GPR137C: variants seen among roughly 807,000 people sequenced by gnomAD.
GPR137C encodes the protein G protein-coupled receptor 137C, also known as integral membrane protein GPR137C.
GPR137C carries 27 observed loss-of-function variants against 43.4 expected under a neutral mutation model. The observed-to-expected ratio is 0.62, with a 90% CI of 0.46 to 0.86. The LOEUF (loss-of-function observed/expected upper bound fraction) is 0.86. GPR137C is among the 40% of genes least tolerant of loss of function. GPR137C has a pLI of 0.00. For synonymous variants in GPR137C, 285 were observed against 226.9 expected (o/e 1.26, Z -2.30); for missense variants, 522 against 534.6 (o/e 0.98, Z 0.23).
At chr14:52,554,968 C>T (rs2038170388) in intron 1 of GPR137C, among the ~76,000 whole-genome samples, 1 of 151,974 alleles carries the variant, frequency 6.6e-6, no homozygotes, top group African/African-American at 2.4e-5. Context: ...CATAGGTTAT[C>T]ACAAATCAAA....
At chr14:52,607,103 C>G (rs984197280) in intron 3 of GPR137C, among the ~76,000 whole-genome samples, 1 of 152,128 alleles carries the variant, frequency 6.6e-6, no homozygotes, top group African/African-American at 2.4e-5. Context: ...TTCAGAAGTT[C>G]CTCCTGTTAC....
At chr14:52,601,162 G>C (rs1052463719) in intron 3 of GPR137C, among the ~76,000 whole-genome samples, 2 of 152,058 alleles carry the variant, frequency 1.3e-5, no homozygotes, top group Non-Finnish European at 2.9e-5. Context: ...TGGGTGTGAG[G>C]GGGTAGATAT....
chr14:52,577,613 G>A (rs1197707071), intron 1 of GPR137C, among the ~76,000 whole-genome samples: 1 of 151,422 alleles, frequency 6.6e-6, no homozygotes, highest in Non-Finnish European at 1.5e-5. Context: ...GAAGAGAGAG[G>A]ATTCAAATAA....
chr14:52,579,622 G>T (rs1460797161), intron 1 of GPR137C, among the ~76,000 whole-genome samples: 1 of 152,180 alleles, frequency 6.6e-6, no homozygotes, highest in Non-Finnish European at 1.5e-5. Flanking sequence ...TAAACTCATG[G>T]TTACAGTTTA....
At chr14:52,567,401 T>C (rs967696952) in intron 1 of GPR137C, among the ~76,000 whole-genome samples, 5 of 152,222 alleles carry the variant, frequency 3.3e-5, no homozygotes, top group Admixed American at 6.5e-5. Context: ...ATATAAACTT[T>C]AGACAATATG....
intron 1 of GPR137C, among the ~76,000 whole-genome samples, chr14:52,566,148 C>A (rs2038366255): frequency 6.6e-6 from 1 of 152,236 alleles, no homozygotes; most frequent in African/African-American, 2.4e-5. Flanking sequence ...ATTTAGGACC[C>A]AGGGATCATC....
intron 1 of GPR137C, among the ~76,000 whole-genome samples, chr14:52,573,364 C>A (rs1050687425): frequency 6.6e-6 from 1 of 152,110 alleles, no homozygotes; most frequent in Non-Finnish European, 1.5e-5. Context: ...GGTACTTATA[C>A]CAAAACAGAT....
At chr14:52,607,904 A>G (rs1402791845) in intron 3 of GPR137C, among the ~76,000 whole-genome samples, 1 of 151,776 alleles carries the variant, frequency 6.6e-6, no homozygotes, top group African/African-American at 2.4e-5. Flanking sequence ...GACAAGGTCT[A>G]TTTTATCTGA....
chr14:52,598,456 C>A, intron 2 of GPR137C, 141 bp downstream of exon 2: 1 of 427,748 alleles, frequency 2.3e-6, no homozygotes, highest in South Asian at 7.8e-5. Flanking sequence ...TTGAGGGCAC[C>A]TTCACAGTTT....
chr14:52,593,234 A>C (rs1014084476), intron 1 of GPR137C, among the ~76,000 whole-genome samples: 3 of 152,194 alleles, frequency 2.0e-5, no homozygotes, highest in Non-Finnish European at 4.4e-5. Context: ...TCAGTTTGCC[A>C]GTATTTTATT....
rs766393308 is a variant in GPR137C, at chr14:52,598,327, G to A, written c.488+12G>A. 5.0e-6 allele frequency: 6 copies of A among 1,198,792 alleles called. No individual in the cohort carries two copies. The highest frequency in any genetic ancestry group is 7.1e-6 in the Non-Finnish European group (6 of 846,494). The allele number at this position is 1,198,792 out of a possible 1,614,324, so 74.3% of individuals were successfully genotyped here. A position where few individuals can be genotyped will look rare whatever the true frequency, so the allele number is the denominator to read the frequency against. ...CTTGACAGACACAAGTAAGTTTTAT[G>A]AGTATCTAAATTTCTATCTAAAAGA... On this transcript the variant is annotated intron_variant, in intron 2 of 6. Coordinates refer to ENST00000321662, the MANE Select transcript of GPR137C (RefSeq NM_001099652.2).
At chr14:52,632,791 C>T (rs866910341) in intron 4 of GPR137C, among the ~76,000 whole-genome samples, 2 of 152,006 alleles carry the variant, frequency 1.3e-5, no homozygotes, top group Non-Finnish European at 2.9e-5. Context: ...GGAGAGCATT[C>T]GTAGTTCCTT....
chr14:52,600,552 A>G (rs2038912011), intron 3 of GPR137C, among the ~76,000 whole-genome samples: 1 of 152,156 alleles, frequency 6.6e-6, no homozygotes, highest in Non-Finnish European at 1.5e-5. Flanking sequence ...TTTGGGCTCA[A>G]GTGATCCTCT....
intron 1 of GPR137C, among the ~76,000 whole-genome samples, chr14:52,556,668 A>C (rs961552375): frequency 6.6e-6 from 1 of 152,146 alleles, no homozygotes; most frequent in South Asian, 2.1e-4. Context: ...GAAACAGACT[A>C]TCTGATAAAA....
intron 1 of GPR137C, among the ~76,000 whole-genome samples, chr14:52,569,027 A>G (rs891702185): frequency 5.3e-5 from 8 of 152,198 alleles, no homozygotes; most frequent in Non-Finnish European, 1.2e-4. Flanking sequence ...GGGGCGACAG[A>G]CACCTTATGC....
intron 1 of GPR137C, among the ~76,000 whole-genome samples, chr14:52,567,150 G>A (rs1171577114): frequency 6.6e-6 from 1 of 152,080 alleles, no homozygotes; most frequent in African/African-American, 2.4e-5. Context: ...GAGGTATTAG[G>A]TAGTTAAGAA....
chr14:52,558,539 C>T (rs1482334569), intron 1 of GPR137C, among the ~76,000 whole-genome samples: 3 of 152,096 alleles, frequency 2.0e-5, no homozygotes, highest in African/African-American at 4.8e-5. Context: ...TTGATACTAA[C>T]CTCAAGGAGC....
At chr14:52,628,253 C>G (rs1340618674) in intron 3 of GPR137C, among the ~76,000 whole-genome samples, 2 of 152,090 alleles carry the variant, frequency 1.3e-5, no homozygotes, top group Non-Finnish European at 2.9e-5. Context: ...CAATCCAATA[C>G]CACAAGGAAT....
At chr14:52,600,400 A>G (rs1312653990) in intron 3 of GPR137C, 59 bp downstream of exon 3, 8 of 832,902 alleles carry the variant, frequency 9.6e-6, no homozygotes, top group Non-Finnish European at 1.5e-5. Flanking sequence ...TACCCTACTA[A>G]TCATATTTTA....
Sources: gnomAD v4.1 joint callset for allele counts (sites outside exome capture counted in the v4.1 genomes callset) on GRCh38, gnomAD v4.1.1 for gene constraint, MANE v1.5 for transcripts, NCBI Gene and HGNC (gene_info 2026-07-23, HGNC 2026-07-21) for gene names.